The following UNC80 variants were observed in gnomAD, a reference collection of about 807,000 sequenced individuals.
The protein encoded by UNC80 is unc-80 subunit of NALCN channel complex, also known as protein unc-80 homolog.
UNC80 carries 164 observed loss-of-function variants against 384.6 expected under a neutral mutation model. That is an observed-to-expected ratio of 0.43 (90% CI 0.38 to 0.49). The LOEUF is 0.49. UNC80 is among the 20% of genes least tolerant of loss of function. The probability of loss-of-function intolerance (pLI) is 0.00; values close to 1 mark genes in which losing one functional copy is unlikely to be tolerated. For synonymous variants in UNC80, 1,486 were observed against 1,527.8 expected, an observed-to-expected ratio of 0.97 and a Z score of 0.64; for missense variants, 3,330 against 4,143.0, an observed-to-expected ratio of 0.80 and a Z score of 5.39.
At chr2:209,836,026 A>G (rs763927848) in intron 18 of UNC80, among the ~76,000 whole-genome samples, 4 of 152,370 alleles carry the variant, frequency 2.6e-5, no homozygotes, top group Non-Finnish European at 5.9e-5. Flanking sequence ...GAGTTTTTGC[A>G]TATGGCTATA....
Position 209,972,265 on chromosome 2 carries a change from A to T in UNC80, c.8321A>T (p.Glu2774Val), listed in dbSNP as rs2125013184. Residue 2774 changes from glutamate (E) to valine (V), a missense_variant, in exon 55 of 65, where the codon GAG becomes GTG. Around this residue, in one of 8 missense-constraint regions of UNC80, gnomAD observed 1,049 missense variants for 1,488.6 expected, o/e 0.70. Coordinates refer to ENST00000673920, the MANE Select transcript of UNC80 (RefSeq NM_001371986.1). ...ISPFTNQERR[E>V]GMLLNLLIPF... ...CCATTCACCAATCAAGAGCGAAGGG[A>T]GGGGATGCTTTTAAATCTGCTCATC... 2 of 1,551,804 alleles carry T rather than the reference A, an allele frequency of 1.3e-6. No homozygotes were observed. The highest frequency in any genetic ancestry group is 1.7e-6 in the Non-Finnish European group (2 of 1,146,934).
intron 29 of UNC80, among the ~76,000 whole-genome samples, chr2:209,907,284 T>C (rs972346151): frequency 9.9e-5 from 7 of 70,898 alleles, no homozygotes; most frequent in Admixed American, 3.5e-4. Flanking sequence ...CTGGGTACAA[T>C]AATGGGCAAA....
chr2:209,832,075 A>G (rs1454907343), intron 16 of UNC80, among the ~76,000 whole-genome samples: 1 of 152,222 alleles, frequency 6.6e-6, no homozygotes, highest in Non-Finnish European at 1.5e-5. Flanking sequence ...CTGAAGTCAC[A>G]ATAGGATAGG....
chr2:209,846,045 A>T (rs1467838921), intron 21 of UNC80, among the ~76,000 whole-genome samples: 1 of 150,756 alleles, frequency 6.6e-6, no homozygotes, highest in Non-Finnish European at 1.5e-5. Flanking sequence ...ATCTATGTGT[A>T]TAAATGATTC....
chr2:209,973,202 C>T lies in UNC80; in HGVS notation c.8519C>T (p.Pro2840Leu). Residue 2840 changes from proline to leucine, a missense_variant, in exon 56 of 65, where the codon CCT becomes CTT. This residue lies in a region of UNC80 where 1,049 missense variants were observed against 1,488.6 expected (regional missense o/e 0.70). Coordinates refer to ENST00000673920, the MANE Select transcript of UNC80 (RefSeq NM_001371986.1). ...LESSPAHCST[P>L]GDAGKDLRRE... ...AGCTCCCCAGCCCACTGCTCCACCC[C>T]TGGGGATGCGGGGAAAGACTTGCGC... is the stretch of plus-strand genomic sequence containing the variant. The T allele has an allele frequency of 1.3e-6, 2 of 1,551,696 alleles. No individual in the cohort carries two copies. The highest frequency in any genetic ancestry group is 1.7e-6 in the Non-Finnish European group (2 of 1,147,014).
chr2:209,878,596 G>A (rs1287015934), intron 24 of UNC80, among the ~76,000 whole-genome samples: 1 of 152,114 alleles, frequency 6.6e-6, no homozygotes, highest in African/African-American at 2.4e-5. Flanking sequence ...TTCAGAGGTT[G>A]CTAGAACTGT....
Position 209,839,219 on chromosome 2 carries a change from C to T in UNC80, c.3042-3C>T. 6.4e-7 allele frequency: 1 copy of T among 1,551,304 alleles called. No individual in the cohort carries two copies. Among genetic ancestry groups the T allele is most frequent in the Non-Finnish European group, 8.7e-7 (1 of 1,146,940 alleles). On this transcript the variant is annotated splice_region_variant and splice_polypyrimidine_tract_variant and intron_variant, in intron 18 of 64. Coordinates refer to ENST00000673920, the MANE Select transcript of UNC80 (RefSeq NM_001371986.1). This position sits in a 1 kb window ranked among gnomAD's most constrained non-coding sequence, Gnocchi z 4.1. The stretch of plus-strand genomic sequence containing the variant: ...TTTAACCCTATCCTCTGCTTGCCTA[C>T]AGCGATGAACAAATGCAAGGAGCCA...
intron 24 of UNC80, among the ~76,000 whole-genome samples, chr2:209,880,008 A>G (rs1185318142): frequency 2.0e-5 from 3 of 152,250 alleles, no homozygotes; most frequent in Non-Finnish European, 4.4e-5. Context: ...AGGACTGTTC[A>G]TATGTAATGA....
chr2:209,944,795 A>C (rs1483968589), intron 45 of UNC80, among the ~76,000 whole-genome samples: 1 of 152,180 alleles, frequency 6.6e-6, no homozygotes, highest in Non-Finnish European at 1.5e-5. Context: ...TTGGAAGTTC[A>C]TATATCGCTG....
In UNC80 at chr2:209,888,147, A is replaced by G. The variant is rs1010694010; in HGVS notation, c.4163A>G (p.Tyr1388Cys). The G allele has an allele frequency of 1.8e-5, 28 of 1,551,582 alleles. No individual in the cohort carries two copies. Among genetic ancestry groups the G allele is most frequent in the Non-Finnish European group, 1.2e-5 (14 of 1,147,000 alleles). Reference protein sequence around the residue: ...RLDPELDRHRYERKISFAGVL... With the variant: ...RLDPELDRHRCERKISFAGVL... ...GATCCCGAGTTGGACCGGCACAGATATGAGAGGAAGATCAGCTTTGCTGGG... is the reference window on the plus strand; with the variant it reads ...GATCCCGAGTTGGACCGGCACAGATGTGAGAGGAAGATCAGCTTTGCTGGG... Residue 1388 changes from tyrosine (Y) to cysteine (C), a missense_variant, in exon 26 of 65, where the codon TAT (tyrosine) becomes TGT (cysteine). By Grantham distance (194) the Tyr-to-Cys change is radical. This residue lies in a region of UNC80 where 801 missense variants were observed against 950.8 expected (regional missense o/e 0.84). Transcript: ENST00000673920.
intron 3 of UNC80, 144 bp downstream of exon 3, chr2:209,776,189 C>T: frequency 9.8e-7 from 1 of 1,016,524 alleles, no homozygotes; most frequent in Non-Finnish European, 1.3e-6. Flanking sequence ...ATCCTCCTCA[C>T]ACTTATACTC....
chr2:209,799,317 T>G (rs1038073366), intron 7 of UNC80, among the ~76,000 whole-genome samples: 1 of 152,128 alleles, frequency 6.6e-6, no homozygotes, highest in African/African-American at 2.4e-5. Flanking sequence ...TTCTAGGTAT[T>G]GTATTATCTT....
At chr2:209,875,690 C>G (rs114092423) in intron 23 of UNC80, among the ~76,000 whole-genome samples, 23 of 152,288 alleles carry the variant, frequency 1.5e-4, no homozygotes, top group African/African-American at 5.1e-4. Context: ...TGTGGCCCCT[C>G]TGTCAGTCTC....
At chr2:209,924,416 T>C (rs1215125766) in intron 35 of UNC80, among the ~76,000 whole-genome samples, 1 of 152,200 alleles carries the variant, frequency 6.6e-6, no homozygotes, top group East Asian at 1.9e-4. Context: ...TTTTCTTAAG[T>C]GCCTTGAACT....
chr2:209,803,387 A>C (rs2078682129), intron 7 of UNC80, among the ~76,000 whole-genome samples: 1 of 152,254 alleles, frequency 6.6e-6, no homozygotes, highest in Non-Finnish European at 1.5e-5. Context: ...TTTGATGACA[A>C]CAAAGTTATC....
Position 209,984,739 on chromosome 2 carries a change from G to C in UNC80, c.9258-117G>C. ...ACTGTCTCCTTTTCCTTCCTTGTTCGGTTAAATCTATTTATTTTTGGTTCT... is the reference window on the plus strand; with the variant it reads ...ACTGTCTCCTTTTCCTTCCTTGTTCCGTTAAATCTATTTATTTTTGGTTCT... On this transcript the variant is annotated intron_variant, in intron 60 of 64. Coordinates refer to ENST00000673920, the MANE Select transcript of UNC80 (RefSeq NM_001371986.1). 5 of 942,974 alleles carry C rather than the reference G, an allele frequency of 5.3e-6. No individual in the cohort carries two copies. In the South Asian group the frequency reaches 8.7e-5, roughly 16 times the overall value. The allele number at this position is 942,974 out of a possible 1,614,324, so 58.4% of individuals were successfully genotyped here.
intron 28 of UNC80, among the ~76,000 whole-genome samples, chr2:209,903,330 G>A (rs1308247424): frequency 7.5e-6 from 1 of 132,992 alleles, no homozygotes; most frequent in African/African-American, 2.8e-5. Context: ...ATGTGTGTGT[G>A]TGTGTGTGTG....
intron 22 of UNC80, among the ~76,000 whole-genome samples, chr2:209,856,681 A>G (rs1447809940): frequency 2.0e-5 from 3 of 152,116 alleles, no homozygotes; most frequent in Non-Finnish European, 4.4e-5. Context: ...CATTCTTCTC[A>G]GATGTGCATT....
rs994916255 is a variant in UNC80 at position 209,776,052 on chromosome 2, G to T, written c.298+7G>T. The T allele has an allele frequency of 1.9e-6, 3 of 1,613,822 alleles. No homozygotes were observed. The highest frequency in any genetic ancestry group is 2.5e-6 in the Non-Finnish European group (3 of 1,179,944). The stretch of plus-strand genomic sequence containing the variant: ...TCAAACCGAAACAAGCTAGGTTGGT[G>T]CCCCGCATTACTTCTTTATTGCATG... On this transcript the variant is annotated splice_region_variant and intron_variant, in intron 3 of 64. Transcript: ENST00000673920.
Sources: allele counts gnomAD v4.1 joint callset (sites outside exome capture counted in the v4.1 genomes callset), GRCh38; gene constraint gnomAD v4.1.1; regional missense constraint gnomAD v4.1.1; non-coding constraint Gnocchi (gnomAD v3.1); transcripts MANE v1.5; gene names NCBI Gene and HGNC (gene_info 2026-07-23, HGNC 2026-07-21).